Variants in TRABD2B observed in about 807,000 individuals in gnomAD.
The protein encoded by TRABD2B is TraB domain containing 2B.
Under a neutral mutation model 40.1 loss-of-function variants are expected in TRABD2B, and 14 were observed. The observed-to-expected ratio is 0.35, with a 90% CI of 0.23 to 0.55. The LOEUF (loss-of-function observed/expected upper bound fraction) is 0.55, where lower values mean the gene tolerates loss of function less well. TRABD2B is among the 20% of genes least tolerant of loss of function. The pLI is 0.90. For missense variants in TRABD2B, 541 were observed against 648.6 expected (o/e 0.83, Z 1.80); for synonymous variants, 263 against 277.0 (o/e 0.95, Z 0.50).
chr1:47,865,097 G>GC (rs1320081017), intron 2 of TRABD2B, among the ~76,000 whole-genome samples: 1 of 152,172 alleles, frequency 6.6e-6, no homozygotes, highest in African/African-American at 2.4e-5. Flanking sequence ...TGGCGGGAAA[G>GC]GAGGTTACAA....
chr1:47,850,295 T>G (rs1645530537), intron 2 of TRABD2B, among the ~76,000 whole-genome samples: 1 of 152,200 alleles, frequency 6.6e-6, no homozygotes, highest in South Asian at 2.1e-4. Context: ...TTTCTCACAG[T>G]CTGTGCTATC....
At chr1:47,911,282 C>G (rs1373995867) in intron 2 of TRABD2B, among the ~76,000 whole-genome samples, 5 of 152,162 alleles carry the variant, frequency 3.3e-5, no homozygotes, top group African/African-American at 1.2e-4. Context: ...TTCATTGTTT[C>G]CAGTGAGCTG....
At chr1:47,795,649 GC>G in intron 3 of TRABD2B, 1 of 985,056 alleles carries the variant, frequency 1.0e-6, no homozygotes, top group Non-Finnish European at 1.2e-6. Context: ...GAGGATGGGG[GC>G]TGTCATGGGC....
At chr1:47,937,043 C>A (rs1047503597) in intron 2 of TRABD2B, among the ~76,000 whole-genome samples, 4 of 151,582 alleles carry the variant, frequency 2.6e-5, no homozygotes, top group Admixed American at 2.6e-4. Context: ...TCACCATCAC[C>A]ACCACCACCA....
At chr1:47,864,757 T>C (rs1385696781) in intron 2 of TRABD2B, among the ~76,000 whole-genome samples, 2 of 152,018 alleles carry the variant, frequency 1.3e-5, no homozygotes, top group African/African-American at 4.8e-5. Context: ...GCTCCTGCTG[T>C]GGGTGGTAGT....
intron 2 of TRABD2B, among the ~76,000 whole-genome samples, chr1:47,981,470 C>A (rs1003452734): frequency 6.6e-6 from 1 of 152,110 alleles, no homozygotes; most frequent in Non-Finnish European, 1.5e-5. Flanking sequence ...CTGTAAAATG[C>A]GGCTGAATCT....
At position 47,813,927 on chromosome 1, in the gene TRABD2B, G is replaced by A. The variant is rs1252022109; in HGVS notation, c.667-12308C>T. Among the ~76,000 whole-genome samples the A allele has an allele frequency of 6.6e-6, 1 of 152,234 alleles. No individual in the cohort carries two copies. Among genetic ancestry groups the A allele is most frequent in the Non-Finnish European group, 1.5e-5 (1 of 68,046 alleles). Reference sequence around the variant, plus strand: ...CAAGCTCAAAGGCAGGGTGGAGCAAGGGAGGAAGTTCCAGGAAGACTTGCG... The same window carrying A: ...CAAGCTCAAAGGCAGGGTGGAGCAAAGGAGGAAGTTCCAGGAAGACTTGCG... On this transcript the variant is annotated intron_variant, in intron 2 of 6. Coordinates refer to ENST00000606738, the MANE Select transcript of TRABD2B (RefSeq NM_001194986.2). This position sits in a 1 kb window ranked among gnomAD's most constrained non-coding sequence, Gnocchi z 4.3.
intron 2 of TRABD2B, among the ~76,000 whole-genome samples, chr1:47,838,574 C>T (rs1013482585): frequency 5.3e-5 from 8 of 152,186 alleles, no homozygotes; most frequent in Non-Finnish European, 8.8e-5. Flanking sequence ...AACAATAGTC[C>T]CTAGGGTCAG....
At position 47,763,310 on chromosome 1, in the gene TRABD2B, T is replaced by C. The variant is rs958434429; in HGVS notation, c.*2592A>G. 6.6e-6 allele frequency: 1 copy of C among 152,250 alleles called. No individual in the cohort carries two copies. The highest frequency in any genetic ancestry group is 1.5e-5 in the Non-Finnish European group (1 of 68,042). 9.4% of individuals were successfully genotyped at this position (152,250 alleles called of 1,614,324 possible). A position where few individuals can be genotyped will look rare whatever the true frequency, so the allele number is the denominator to read the frequency against. On this transcript the variant is annotated 3_prime_UTR_variant, in exon 7 of 7. Transcript: ENST00000606738. Reference sequence around the variant, plus strand: ...CTTTGGCAACAGATGTCTGACCACATTGGCTCTTGCTCTCCTGTAGGTACA... The same window carrying C: ...CTTTGGCAACAGATGTCTGACCACACTGGCTCTTGCTCTCCTGTAGGTACA...
chr1:47,821,539 C>T (rs561755072), intron 2 of TRABD2B, among the ~76,000 whole-genome samples: 2 of 152,268 alleles, frequency 1.3e-5, no homozygotes, highest in East Asian at 3.9e-4. Flanking sequence ...GGCAATGCCC[C>T]TGACAGGCAG....
chr1:47,958,571 A>T (rs1645460720), intron 2 of TRABD2B, among the ~76,000 whole-genome samples: 1 of 148,276 alleles, frequency 6.7e-6, no homozygotes, highest in South Asian at 2.2e-4. Context: ...CTAGTGTCTG[A>T]TAAAACAGAC....
rs1214555097 is a variant in TRABD2B, at chr1:47,994,813, T to G, written c.103-216A>C. ...TATGATCTTGAGTGAATCATTTCAC[T>G]TCCACAGGCTCAGTTTCCTCATCTG... On this transcript the variant is annotated intron_variant, in intron 1 of 6. Transcript: ENST00000606738. This position sits in a 1 kb window ranked among gnomAD's most constrained non-coding sequence, Gnocchi z 6.7. Among the ~76,000 whole-genome samples the G allele has an allele frequency of 6.6e-6, 1 of 152,184 alleles. No individual in the cohort carries two copies. Among genetic ancestry groups the G allele is most frequent in the Non-Finnish European group, 1.5e-5 (1 of 68,030 alleles).
chr1:47,969,881 T>G (rs1288345030), intron 2 of TRABD2B, among the ~76,000 whole-genome samples: 2 of 152,138 alleles, frequency 1.3e-5, no homozygotes, highest in Non-Finnish European at 2.9e-5. Flanking sequence ...GAAAGGAGCA[T>G]GCCCTCCCTC....
At chr1:47,940,925 T>C (rs1184438652) in intron 2 of TRABD2B, among the ~76,000 whole-genome samples, 1 of 152,180 alleles carries the variant, frequency 6.6e-6, no homozygotes, top group Non-Finnish European at 1.5e-5. Flanking sequence ...AATGTAGTTC[T>C]CACCACAGCT....
chr1:47,797,770 G>T (rs980467895), intron 3 of TRABD2B, among the ~76,000 whole-genome samples: 1 of 152,148 alleles, frequency 6.6e-6, no homozygotes, highest in Admixed American at 6.5e-5. Flanking sequence ...CATTAGACTT[G>T]TTGGGGGCCT....
chr1:47,761,285 A>G lies in TRABD2B; in HGVS notation c.*4617T>C, dbSNP rs1160985733. Reference sequence around the variant, plus strand: ...GGTGAGGATAGCCGATGCTCCCTGGAAAGAGCCAAGTAGGGGGTCAATCAG... The same window carrying G: ...GGTGAGGATAGCCGATGCTCCCTGGGAAGAGCCAAGTAGGGGGTCAATCAG... On this transcript the variant is annotated 3_prime_UTR_variant, in exon 7 of 7. Transcript: ENST00000606738. 1 of 152,316 alleles carries G rather than the reference A, an allele frequency of 6.6e-6. No homozygotes were observed. Among genetic ancestry groups the G allele is most frequent in the African/African-American group, 2.4e-5 (1 of 41,478 alleles). 9.4% of individuals were successfully genotyped at this position (152,316 alleles called of 1,614,324 possible).
At chr1:47,986,884 G>T (rs914724014) in intron 2 of TRABD2B, among the ~76,000 whole-genome samples, 2 of 152,170 alleles carry the variant, frequency 1.3e-5, no homozygotes, top group Admixed American at 1.3e-4. Context: ...CTGAAGGCTC[G>T]GCCACCGGCT....
At chr1:47,934,091 A>G (rs1645074658) in intron 2 of TRABD2B, among the ~76,000 whole-genome samples, 1 of 152,216 alleles carries the variant, frequency 6.6e-6, no homozygotes, top group Admixed American at 6.5e-5. Context: ...GGCTTTTGAC[A>G]CTCTTTAGTA....
chr1:47,950,578 CA>C (rs752784373), intron 2 of TRABD2B, among the ~76,000 whole-genome samples: 1 of 152,180 alleles, frequency 6.6e-6, no homozygotes, highest in African/African-American at 2.4e-5. Flanking sequence ...AAACAGGGGC[CA>C]GGGGATGGCT....
Sources: allele counts gnomAD v4.1 joint callset (sites outside exome capture counted in the v4.1 genomes callset), GRCh38; gene constraint gnomAD v4.1.1; non-coding constraint Gnocchi (gnomAD v3.1); transcripts MANE v1.5; gene names NCBI Gene and HGNC (gene_info 2026-07-23, HGNC 2026-07-21).